Variants in PDS5A observed in about 807,000 individuals in gnomAD.
The protein encoded by PDS5A is sister chromatid cohesion protein PDS5 homolog A.
A neutral mutation model predicts 167.1 loss-of-function variants in PDS5A; 42 were observed. That is an observed-to-expected ratio of 0.25 (90% CI 0.20 to 0.33). The LOEUF (loss-of-function observed/expected upper bound fraction) is 0.33. PDS5A is among the 10% of genes least tolerant of loss of function. The probability of loss-of-function intolerance (pLI) is 1.00; values close to 1 mark genes in which losing one functional copy is unlikely to be tolerated. For missense variants in PDS5A, 1,033 were observed against 1,605.9 expected, an observed-to-expected ratio of 0.64 and a Z score of 6.10; for synonymous variants, 553 against 554.6, an observed-to-expected ratio of 1.00 and a Z score of 0.04.
intron 30 of PDS5A, among the ~76,000 whole-genome samples, chr4:39,844,175 G>GA (rs1412982710): frequency 1.3e-5 from 2 of 151,074 alleles, no homozygotes; most frequent in African/African-American, 2.4e-5. Flanking sequence ...ATAAAATTAA[G>GA]AAAAAAAAGA....
chr4:39,863,146 T>C, intron 24 of PDS5A, 73 bp from the exon 25 acceptor site: 2 of 1,177,498 alleles, frequency 1.7e-6, no homozygotes. Context: ...GTATTTTTAG[T>C]GTCTTCAATT....
chr4:39,874,638 T>C (rs1356899260), intron 19 of PDS5A, among the ~76,000 whole-genome samples: 1 of 152,208 alleles, frequency 6.6e-6, no homozygotes, highest in Non-Finnish European at 1.5e-5. Context: ...ACAATTTTTA[T>C]TTTAAAGTTA....
In PDS5A at chr4:39,900,364, A is replaced by C. The variant is rs1722773415; in HGVS notation, c.1581+62T>G. 3 of 1,005,448 alleles carry C rather than the reference A, an allele frequency of 3.0e-6. No individual in the cohort carries two copies. In the Admixed American group the frequency reaches 6.0e-5, roughly 20 times the overall value. 62.3% of individuals were successfully genotyped at this position (1,005,448 alleles called of 1,614,324 possible). A position where few individuals can be genotyped will look rare whatever the true frequency, so the allele number is the denominator to read the frequency against. On this transcript the variant is annotated intron_variant, in intron 14 of 32. Transcript: ENST00000303538. ...CTTTTTCCCTGCTTCATTACGTAGA[A>C]CTACAGAAAATCTGAACAGTGACTA...
chr4:39,870,941 G>T (rs915893152), intron 21 of PDS5A, among the ~76,000 whole-genome samples: 5 of 152,042 alleles, frequency 3.3e-5, no homozygotes, highest in Non-Finnish European at 5.9e-5. Flanking sequence ...AAAAATGTGG[G>T]ATATATACAA....
At chr4:39,949,552 T>C (rs1728129302) in intron 2 of PDS5A, among the ~76,000 whole-genome samples, 1 of 151,800 alleles carries the variant, frequency 6.6e-6, no homozygotes, top group Non-Finnish European at 1.5e-5. Context: ...GACTACGAGC[T>C]GGTCAAAGTG....
chr4:39,937,558 C>T (rs1183273439), intron 2 of PDS5A, among the ~76,000 whole-genome samples: 7 of 152,174 alleles, frequency 4.6e-5, no homozygotes, highest in Admixed American at 1.3e-4. Context: ...GGACCACAGA[C>T]GAATGCCACC....
intron 2 of PDS5A, among the ~76,000 whole-genome samples, chr4:39,961,425 T>A (rs573899542): frequency 1.3e-5 from 2 of 151,928 alleles, no homozygotes; most frequent in African/African-American, 4.8e-5. Flanking sequence ...TGCCCGCTAA[T>A]TTTTTTTGTA....
At chr4:39,959,543 G>A (rs1395677823) in intron 2 of PDS5A, among the ~76,000 whole-genome samples, 9 of 152,012 alleles carry the variant, frequency 5.9e-5, no homozygotes, top group Admixed American at 5.9e-4. Context: ...GTACCATGCT[G>A]CCAAAGCTGG....
At chr4:39,854,123 G>A (rs1018023295) in intron 26 of PDS5A, among the ~76,000 whole-genome samples, 5 of 152,034 alleles carry the variant, frequency 3.3e-5, no homozygotes, top group South Asian at 2.1e-4. Context: ...CCAACATGGC[G>A]AAACTCCATC....
intron 7 of PDS5A, among the ~76,000 whole-genome samples, chr4:39,917,815 T>C (rs1393184604): frequency 6.6e-6 from 1 of 152,132 alleles, no homozygotes; most frequent in Non-Finnish European, 1.5e-5. Context: ...CCTCAGGTGA[T>C]CTACAGGCCT....
At chr4:39,956,014 A>G (rs1728890779) in intron 2 of PDS5A, among the ~76,000 whole-genome samples, 1 of 151,834 alleles carries the variant, frequency 6.6e-6, no homozygotes, top group South Asian at 2.1e-4. Flanking sequence ...GCTGCTCGGG[A>G]GGCTGACGTG....
chr4:39,840,047 T>C (rs988239935), intron 31 of PDS5A, among the ~76,000 whole-genome samples: 7 of 152,064 alleles, frequency 4.6e-5, no homozygotes, highest in Non-Finnish European at 1.0e-4. Flanking sequence ...TGAGCTGAGA[T>C]TGTGCCACTG....
intron 6 of PDS5A, among the ~76,000 whole-genome samples, chr4:39,921,915 A>G (rs2109716500): frequency 6.6e-6 from 1 of 152,366 alleles, no homozygotes; most frequent in Admixed American, 6.5e-5. Context: ...TTTAAACTCG[A>G]GAAGAATTTA....
rs116408665 is a variant in PDS5A, at chr4:39,863,795, G to A, written c.2643-336C>T. Among the ~76,000 whole-genome samples the A allele has an allele frequency of 8.1e-3, 1,234 of 152,270 alleles. 20 individuals are homozygous for A. Among genetic ancestry groups the A allele is most frequent in the African/African-American group, 0.028 (1,166 of 41,552 alleles). ...GGAAAAACTCTTTACATCAGGAGCT[G>A]TATCCCTCATTTTAAGAGAAATACA... On this transcript the variant is annotated intron_variant, in intron 23 of 32. Transcript: ENST00000303538.
intron 13 of PDS5A, 70 bp from the exon 14 acceptor site, chr4:39,900,577 T>C (rs781281074): frequency 1.5e-5 from 14 of 956,678 alleles, no homozygotes; most frequent in Non-Finnish European, 2.1e-5. Flanking sequence ...TTACAACCTT[T>C]CTTGTTGCAT....
At position 39,866,862 on chromosome 4, in the gene PDS5A, T is replaced by C. The variant is rs1358983117; in HGVS notation, c.2641A>G (p.Ser881Gly). ...EGDLTEQKRI[S>G]KSDMSRLRLA... ...ACTGGAAAGAAAGAAAAATCTCACC[T>C]GATCCTCTTTTGCTCTGTCAGGTCA... Residue 881 changes from serine (S) to glycine (G), a missense_variant and splice_region_variant, in exon 23 of 33, where the codon AGT becomes GGT. Ser to Gly is a moderately conservative substitution (Grantham distance 56, BLOSUM62 0). Coordinates refer to ENST00000303538, the MANE Select transcript of PDS5A (RefSeq NM_001100399.2). 9.4e-6 allele frequency: 15 copies of C among 1,601,236 alleles called. No individual in the cohort carries two copies. The highest frequency in any genetic ancestry group is 1.3e-5 in the Non-Finnish European group (15 of 1,176,334).
chr4:39,846,988 T>C (rs1038870573), intron 28 of PDS5A: 1 of 152,082 alleles, frequency 6.6e-6, no homozygotes, highest in Non-Finnish European at 1.5e-5. Context: ...CTTCACTAGG[T>C]TGACTAACTT....
chr4:39,832,850 T>G (rs1716030326), intron 32 of PDS5A, among the ~76,000 whole-genome samples: 1 of 151,814 alleles, frequency 6.6e-6, no homozygotes, highest in African/African-American at 2.4e-5. Context: ...AGAGTGAGAC[T>G]GGTCTCTCAA....
intron 2 of PDS5A, among the ~76,000 whole-genome samples, chr4:39,947,620 C>CA (rs1481338195): frequency 2.0e-5 from 3 of 151,870 alleles, no homozygotes; most frequent in East Asian, 1.9e-4. Flanking sequence ...TTAAAACAAA[C>CA]AAAAAAAATT....
Sources: allele counts gnomAD v4.1 joint callset (sites outside exome capture counted in the v4.1 genomes callset), GRCh38; gene constraint gnomAD v4.1.1; transcripts MANE v1.5; gene names NCBI Gene and HGNC (gene_info 2026-07-23, HGNC 2026-07-21).